The following PRORP variants were observed in gnomAD, a reference collection of about 807,000 sequenced individuals.
PRORP encodes the protein protein only RNase P catalytic subunit.
Under a neutral mutation model 59.4 loss-of-function variants are expected in PRORP, and 51 were observed. The observed-to-expected ratio is 0.86, with a 90% CI of 0.69 to 1.08. The LOEUF (loss-of-function observed/expected upper bound fraction) is 1.08, where lower values mean the gene tolerates loss of function less well. Among genes scored for constraint, PRORP ranks in the 50% least tolerant of loss-of-function variants. PRORP has a pLI of 0.00. For synonymous variants in PRORP, 231 were observed against 245.6 expected (o/e 0.94, Z 0.55); for missense variants, 646 against 690.3 (o/e 0.94, Z 0.72).
At chr14:35,182,503 G>A (rs1198240953) in intron 5 of PRORP, among the ~76,000 whole-genome samples, 1 of 151,974 alleles carries the variant, frequency 6.6e-6, no homozygotes, top group Non-Finnish European at 1.5e-5. Context: ...AAATTAGCCG[G>A]GTGTGGTGGC....
At chr14:35,125,289 A>G (rs139712827) in intron 2 of PRORP, among the ~76,000 whole-genome samples, 2 of 152,234 alleles carry the variant, frequency 1.3e-5, no homozygotes, top group East Asian at 1.9e-4. Flanking sequence ...GGACCTTTCT[A>G]TCATTTGGCT....
At chr14:35,127,669 A>G (rs1290436891) in intron 4 of PRORP, 58 bp downstream of exon 4, 15 of 1,587,124 alleles carry the variant, frequency 9.5e-6, no homozygotes, top group Non-Finnish European at 1.3e-5. Context: ...GGGGTTAGCA[A>G]TTTTTGTAAA....
chr14:35,161,171 C>G (rs2415264), intron 4 of PRORP, among the ~76,000 whole-genome samples: 60,131 of 151,978 alleles, frequency 0.4, 12,447 homozygotes, highest in East Asian at 0.68. Flanking sequence ...TGTTGACAAA[C>G]TATTGGTAAA....
intron 4 of PRORP, among the ~76,000 whole-genome samples, chr14:35,146,298 T>C (rs1225906380): frequency 6.6e-6 from 1 of 152,218 alleles, no homozygotes; most frequent in Non-Finnish European, 1.5e-5. Context: ...TAGGGTTAAG[T>C]TTAAAGCAAA....
rs564548984 is a variant in PRORP at position 35,180,613 on chromosome 14, T to C, written c.1168-57T>C. On this transcript the variant is annotated intron_variant, in intron 4 of 7. Coordinates refer to ENST00000534898, the MANE Select transcript of PRORP (RefSeq NM_014672.4). ...ATAATAAAGGTCACTGCAGTGTGTT[T>C]ATAATAAAGTCCTTACTGAGTTCTT... 396 of 1,041,568 alleles carry C rather than the reference T, an allele frequency of 3.8e-4. 3 individuals carry two copies. In the South Asian group the frequency reaches 5.0e-3, roughly 13 times the overall value. The allele number at this position is 1,041,568 out of a possible 1,614,324, so 64.5% of individuals were successfully genotyped here. A position where few individuals can be genotyped will look rare whatever the true frequency, so the allele number is the denominator to read the frequency against.
At chr14:35,154,918 A>G (rs994487063) in intron 4 of PRORP, among the ~76,000 whole-genome samples, 2 of 151,530 alleles carry the variant, frequency 1.3e-5, no homozygotes, top group Non-Finnish European at 2.9e-5. Context: ...TTTTTGAGGC[A>G]GGGTCTCAAT....
chr14:35,205,585 G>A (rs1217603623), intron 5 of PRORP, among the ~76,000 whole-genome samples: 1 of 152,228 alleles, frequency 6.6e-6, no homozygotes, highest in East Asian at 1.9e-4. Context: ...GCCTTCCATA[G>A]TGTTGAGATT....
chr14:35,127,709 TA>T, intron 4 of PRORP, 98 bp downstream of exon 4: 1 of 1,307,686 alleles, frequency 7.6e-7, no homozygotes, highest in South Asian at 1.3e-5. Context: ...TTAGGCTTTG[TA>T]GGTCATCGGT....
At chr14:35,149,257 C>T (rs553570559) in intron 4 of PRORP, among the ~76,000 whole-genome samples, 1 of 151,606 alleles carries the variant, frequency 6.6e-6, no homozygotes, top group African/African-American at 2.4e-5. Flanking sequence ...TTCTGTCATC[C>T]AGGCTGGAGT....
intron 5 of PRORP, among the ~76,000 whole-genome samples, chr14:35,191,481 C>T (rs1019377703): frequency 2.0e-5 from 3 of 152,080 alleles, no homozygotes; most frequent in Admixed American, 6.6e-5. Flanking sequence ...GCGGGAGAAT[C>T]ACTTGAGCCC....
intron 5 of PRORP, among the ~76,000 whole-genome samples, chr14:35,205,602 A>G (rs1195768057): frequency 6.6e-6 from 1 of 151,974 alleles, no homozygotes; most frequent in Non-Finnish European, 1.5e-5. Context: ...GATTAAAGGC[A>G]TGACCCACCA....
chr14:35,215,087 A>T (rs1197433071), intron 5 of PRORP, among the ~76,000 whole-genome samples: 2 of 150,968 alleles, frequency 1.3e-5, no homozygotes, highest in Non-Finnish European at 3.0e-5. Context: ...CTCTGTTGCT[A>T]CCTCCTTTTA....
chr14:35,178,313 C>T (rs553026262), intron 4 of PRORP, among the ~76,000 whole-genome samples: 2 of 152,190 alleles, frequency 1.3e-5, no homozygotes, highest in South Asian at 2.1e-4. Flanking sequence ...ACTTCTGTCT[C>T]GTTGATCTGT....
At chr14:35,227,620 A>G (rs10146661) in intron 5 of PRORP, among the ~76,000 whole-genome samples, 7,416 of 152,078 alleles carry the variant, frequency 0.049, 272 homozygotes, top group African/African-American at 0.098. Flanking sequence ...CTATCCTTAC[A>G]TAAGAGAACT....
intron 6 of PRORP, among the ~76,000 whole-genome samples, chr14:35,268,568 G>A (rs2051106024): frequency 6.6e-6 from 1 of 152,214 alleles, no homozygotes; most frequent in South Asian, 2.1e-4. Flanking sequence ...GTCTGAATGT[G>A]ATAACTTCAA....
At chr14:35,223,023 G>A (rs888433869) in intron 5 of PRORP, among the ~76,000 whole-genome samples, 2 of 152,154 alleles carry the variant, frequency 1.3e-5, no homozygotes, top group African/African-American at 4.8e-5. Context: ...TACTCTCTTA[G>A]GGTCAAGGTT....
intron 5 of PRORP, among the ~76,000 whole-genome samples, chr14:35,235,002 T>C (rs1220993579): frequency 6.6e-6 from 1 of 152,126 alleles, no homozygotes; most frequent in Non-Finnish European, 1.5e-5. Context: ...TAATATCTTA[T>C]AACTGAATGC....
intron 5 of PRORP, among the ~76,000 whole-genome samples, chr14:35,217,227 G>T (rs997701564): frequency 6.6e-6 from 1 of 152,020 alleles, no homozygotes; most frequent in Non-Finnish European, 1.5e-5. Context: ...TAGGGTGGGC[G>T]CAGTGGCTCA....
intron 5 of PRORP, among the ~76,000 whole-genome samples, chr14:35,254,469 CACA>C (rs761409058): frequency 1.1e-4 from 17 of 152,064 alleles, no homozygotes; most frequent in Non-Finnish European, 2.4e-4. Context: ...CTCAGCTCAC[CACA>C]ACCTCTGCCT....
Sources: allele counts gnomAD v4.1 joint callset (sites outside exome capture counted in the v4.1 genomes callset), GRCh38; gene constraint gnomAD v4.1.1; transcripts MANE v1.5; gene names NCBI Gene and HGNC (gene_info 2026-07-23, HGNC 2026-07-21).